Variants in ESCO1 observed in about 807,000 individuals in gnomAD.
ESCO1 encodes the protein establishment of sister chromatid cohesion N-acetyltransferase 1, also known as N-acetyltransferase ESCO1.
Under a neutral mutation model 83.5 loss-of-function variants are expected in ESCO1, and 33 were observed. The observed-to-expected ratio is 0.40, with a 90% CI of 0.30 to 0.53. The LOEUF (loss-of-function observed/expected upper bound fraction) is 0.53. ESCO1 is among the 20% of genes least tolerant of loss of function. ESCO1 has a pLI of 0.63. For synonymous variants in ESCO1, 332 were observed against 324.3 expected (o/e 1.02, Z -0.25); for missense variants, 855 against 968.0 (o/e 0.88, Z 1.55).
chr18:21,549,844 G>GT (rs1363390263), intron 8 of ESCO1, among the ~76,000 whole-genome samples: 1 of 151,200 alleles, frequency 6.6e-6, no homozygotes, highest in African/African-American at 2.4e-5. Context: ...GCACATGCCT[G>GT]TAATCCCAGC....
At position 21,561,003 on chromosome 18, in the gene ESCO1, A is replaced by G; in HGVS notation, c.1822-13T>C. The G allele has an allele frequency of 6.4e-7, 1 of 1,573,956 alleles. No individual in the cohort carries two copies. Among genetic ancestry groups the G allele is most frequent in the Non-Finnish European group, 8.6e-7 (1 of 1,164,320 alleles). On this transcript the variant is annotated splice_polypyrimidine_tract_variant and intron_variant, in intron 7 of 11. Coordinates refer to ENST00000269214, the MANE Select transcript of ESCO1 (RefSeq NM_052911.3). ...TTTGTCCTGCATCCTATTTACAAAA[A>G]ACACACAAAAGTTTTTTTCCTCCCA...
chr18:21,548,427 T>G (rs1418235559), intron 8 of ESCO1, among the ~76,000 whole-genome samples: 6 of 151,050 alleles, frequency 4.0e-5, no homozygotes, highest in Admixed American at 4.0e-4. Flanking sequence ...CCTGAGAGGT[T>G]GAGGCTGCAA....
intron 8 of ESCO1, among the ~76,000 whole-genome samples, chr18:21,550,620 G>A (rs1033446244): frequency 6.6e-6 from 1 of 152,102 alleles, no homozygotes; most frequent in South Asian, 2.1e-4. Context: ...GAGTTCATCG[G>A]TATTGCTTAT....
chr18:21,591,484 TTA>T (rs2038667484), intron 1 of ESCO1, among the ~76,000 whole-genome samples: 1 of 152,218 alleles, frequency 6.6e-6, no homozygotes. Context: ...CAACCATTTT[TTA>T]TCTTACACAA....
intron 8 of ESCO1, among the ~76,000 whole-genome samples, chr18:21,549,326 G>A (rs959829172): frequency 6.6e-6 from 1 of 152,148 alleles, no homozygotes; most frequent in African/African-American, 2.4e-5. Context: ...ACTAAGGACA[G>A]CAGAGTGCTG....
intron 4 of ESCO1, 102 bp downstream of exon 4, chr18:21,573,212 C>G (rs1405110266): frequency 8.4e-7 from 1 of 1,194,132 alleles, no homozygotes; most frequent in African/African-American, 1.6e-5. Flanking sequence ...TTAAACAACT[C>G]TTCAATCTTT....
chr18:21,543,400 C>A (rs1391862192), intron 8 of ESCO1, among the ~76,000 whole-genome samples: 1 of 152,306 alleles, frequency 6.6e-6, no homozygotes, highest in South Asian at 2.1e-4. Context: ...TCAGGTGATC[C>A]GCCAGCCTTG....
intron 2 of ESCO1, among the ~76,000 whole-genome samples, chr18:21,580,126 T>C (rs1311236277): frequency 6.6e-6 from 1 of 151,972 alleles, no homozygotes; most frequent in Non-Finnish European, 1.5e-5. Flanking sequence ...CTCGAACTCC[T>C]GACTTTAGGT....
intron 1 of ESCO1, among the ~76,000 whole-genome samples, chr18:21,598,474 CG>C (rs1484005082): frequency 6.6e-6 from 1 of 150,618 alleles, no homozygotes; most frequent in Non-Finnish European, 1.5e-5. Context: ...CCGAGGCAGG[CG>C]GATCACCTGA....
intron 1 of ESCO1, among the ~76,000 whole-genome samples, chr18:21,586,338 T>C (rs1240836529): frequency 6.6e-6 from 1 of 152,228 alleles, no homozygotes; most frequent in Non-Finnish European, 1.5e-5. Context: ...GTTTTATCCA[T>C]GTTGCTGCAG....
chr18:21,545,186 C>T (rs929656242), intron 8 of ESCO1, among the ~76,000 whole-genome samples: 8 of 152,216 alleles, frequency 5.3e-5, no homozygotes, highest in African/African-American at 1.9e-4. Flanking sequence ...CCTCCCACCT[C>T]AGCCTCCTTA....
At chr18:21,588,755 A>G (rs2038618536) in intron 1 of ESCO1, among the ~76,000 whole-genome samples, 1 of 151,936 alleles carries the variant, frequency 6.6e-6, no homozygotes, top group African/African-American at 2.4e-5. Context: ...TATCTCTACA[A>G]AAAATACAAA....
intron 8 of ESCO1, chr18:21,540,625 A>G (rs1291056252): frequency 1.5e-6 from 2 of 1,343,870 alleles, no homozygotes; most frequent in African/African-American, 3.0e-5. Context: ...GTGTATCTGA[A>G]GTTAAACATA....
At chr18:21,540,051 G>A (rs747420516) in intron 8 of ESCO1, 42 bp from the exon 9 acceptor site, 1 of 1,449,154 alleles carries the variant, frequency 6.9e-7, no homozygotes, top group Admixed American at 2.0e-5. Flanking sequence ...TGTAAAGTAT[G>A]AATTTTATGT....
rs1369705679 is a variant in ESCO1 at position 21,564,135 on chromosome 18, T to C, written c.1821+68A>G. ...ATTACCAACCTCAGATATCGTATTA[T>C]AGCAACATGAAATATACTAAGATGG... On this transcript the variant is annotated intron_variant, in intron 7 of 11. Coordinates refer to ENST00000269214, the MANE Select transcript of ESCO1 (RefSeq NM_052911.3). The C allele has an allele frequency of 2.1e-5, 22 of 1,027,328 alleles. No homozygotes were observed. In the Admixed American group the frequency reaches 5.0e-4, roughly 23 times the overall value. The allele number at this position is 1,027,328 out of a possible 1,614,324, so 63.6% of individuals were successfully genotyped here.
At chr18:21,587,841 GA>G (rs2038603574) in intron 1 of ESCO1, among the ~76,000 whole-genome samples, 1 of 152,082 alleles carries the variant, frequency 6.6e-6, no homozygotes, top group African/African-American at 2.4e-5. Flanking sequence ...GCTGAGGCGG[GA>G]GGATCACTTG....
At chr18:21,556,321 CT>C (rs1425664578) in intron 8 of ESCO1, among the ~76,000 whole-genome samples, 1 of 152,178 alleles carries the variant, frequency 6.6e-6, no homozygotes, top group East Asian at 1.9e-4. Flanking sequence ...ATTCACTTCT[CT>C]TTTCTCTAAT....
chr18:21,565,070 G>A (rs779311433), intron 6 of ESCO1, among the ~76,000 whole-genome samples: 11 of 151,594 alleles, frequency 7.3e-5, no homozygotes, highest in East Asian at 3.9e-4. Flanking sequence ...GCGAGACTCC[G>A]TCTCAAAAAA....
Position 21,574,595 on chromosome 18 carries a change from A to C in ESCO1, c.249T>G (p.Ile83Met). Residue 83 changes from isoleucine to methionine, a missense_variant, in exon 4 of 12, where the codon ATT becomes ATG. Physicochemically the swap from Ile to Met is conservative, Grantham distance 10. This residue lies in a region of ESCO1 where 726 missense variants were observed against 699.5 expected (regional missense o/e 1.04). Coordinates refer to ENST00000269214, the MANE Select transcript of ESCO1 (RefSeq NM_052911.3). ...CCCTCACAGTCACCGTATTTTTATT[A>C]ATGGATTTAGTAGCTTTATCATTAG... ...AASNDKATKS[I>M]NKNTVTVRGY... 6.2e-7 allele frequency: 1 copy of C among 1,614,000 alleles called. No homozygotes were observed. Among genetic ancestry groups the C allele is most frequent in the Non-Finnish European group, 8.5e-7 (1 of 1,179,996 alleles).
Sources: allele counts gnomAD v4.1 joint callset (sites outside exome capture counted in the v4.1 genomes callset), GRCh38; gene constraint gnomAD v4.1.1; regional missense constraint gnomAD v4.1.1; transcripts MANE v1.5; gene names NCBI Gene and HGNC (gene_info 2026-07-23, HGNC 2026-07-21).